The following KIF13B variants were observed in gnomAD, a reference collection of about 807,000 sequenced individuals.
The protein encoded by KIF13B is kinesin family member 13B, also known as kinesin-like protein KIF13B.
Under a neutral mutation model 222.0 loss-of-function variants are expected in KIF13B, and 127 were observed. The ratio of observed to expected loss-of-function variants is 0.57; its 90% CI spans 0.50 to 0.66. KIF13B has a LOEUF of 0.66. KIF13B is among the 30% of genes least tolerant of loss of function. The pLI, the probability that KIF13B is intolerant of heterozygous loss-of-function variation, is 0.00. For synonymous variants in KIF13B, 976 were observed against 919.0 expected (o/e 1.06, Z -1.12); for missense variants, 2,173 against 2,379.0 (o/e 0.91, Z 1.80).
At chr8:29,184,149 G>A (rs1044008360) in intron 6 of KIF13B, among the ~76,000 whole-genome samples, 1 of 151,008 alleles carries the variant, frequency 6.6e-6, no homozygotes, top group Admixed American at 6.6e-5. Flanking sequence ...TTTTCTTAAT[G>A]TATCCTCTAT....
At chr8:29,144,963 T>G (rs1810991975) in intron 18 of KIF13B, among the ~76,000 whole-genome samples, 1 of 152,198 alleles carries the variant, frequency 6.6e-6, no homozygotes, top group Non-Finnish European at 1.5e-5. Context: ...AGAAAAGGGC[T>G]GCGGTCATGC....
chr8:29,180,321 C>T (rs565939608), intron 7 of KIF13B, 83 bp from the exon 8 acceptor site: 3 of 1,398,130 alleles, frequency 2.1e-6, no homozygotes, highest in Non-Finnish European at 2.0e-6. Context: ...AAATTCATTG[C>T]AAGTTTTGCT....
At chr8:29,189,230 G>A (rs1211197454) in intron 4 of KIF13B, 3 of 151,558 alleles carry the variant, frequency 2.0e-5, no homozygotes, top group Non-Finnish European at 4.4e-5. Flanking sequence ...AATACCACAT[G>A]GAAGAACTGG....
At position 29,150,298 on chromosome 8, in the gene KIF13B, T is replaced by C; in HGVS notation, c.1621A>G (p.Arg541Gly). ...RILWGNNHFF[R>G]LNLPKKKKKA... ...TAAGGGACATGAACAACATCATACC[T>C]GAAGAAATGATTGTTTCCCCATAAT... Residue 541 changes from arginine (R) to glycine (G), a missense_variant and splice_region_variant, in exon 15 of 40, where the codon AGA becomes GGA. By Grantham distance (125) the Arg-to-Gly change is moderately radical. Transcript: ENST00000524189. 1.3e-6 allele frequency: 2 copies of C among 1,538,426 alleles called. No homozygotes were observed. The highest frequency in any genetic ancestry group is 1.1e-5 in the South Asian group (1 of 86,976).
intron 9 of KIF13B, among the ~76,000 whole-genome samples, chr8:29,177,051 G>A (rs772435888): frequency 1.3e-5 from 2 of 152,184 alleles, no homozygotes; most frequent in Non-Finnish European, 2.9e-5. Context: ...GCTTAGACCA[G>A]TGGTTCTCAA....
At chr8:29,091,879 T>G (rs1489393268) in intron 37 of KIF13B, among the ~76,000 whole-genome samples, 1 of 152,252 alleles carries the variant, frequency 6.6e-6, no homozygotes, top group African/African-American at 2.4e-5. Flanking sequence ...TATGCTTATA[T>G]AAAGCTAGAT....
chr8:29,170,248 T>C (rs922582283), intron 10 of KIF13B, among the ~76,000 whole-genome samples: 1 of 152,220 alleles, frequency 6.6e-6, no homozygotes, highest in East Asian at 1.9e-4. Context: ...GTCAGAATTT[T>C]TAAAAGCTGA....
chr8:29,165,000 A>G (rs1446456370), intron 12 of KIF13B, among the ~76,000 whole-genome samples: 2 of 152,126 alleles, frequency 1.3e-5, no homozygotes, highest in Non-Finnish European at 2.9e-5. Flanking sequence ...GGTGTGTGCC[A>G]CCACGCCTAG....
In KIF13B at chr8:29,165,671, C is replaced by T; in HGVS notation, c.1260G>A (p.Glu420=). 2 of 1,606,982 alleles carry T rather than the reference C, an allele frequency of 1.2e-6. No individual in the cohort carries two copies. Among genetic ancestry groups the T allele is most frequent in the Non-Finnish European group, 1.7e-6 (2 of 1,173,432 alleles). ...ATCAGGAAACACGAACCTGTGCAAT[C>T]TCCTCCGTTTTCCTTAATTTCTCCT... is the stretch of plus-strand genomic sequence containing the variant. The part of the protein sequence containing the change: ...TWEEKLRKTE[E]IAQERQKQLE... Residue 420 remains glutamate, a synonymous_variant, in exon 12 of 40, where the codon GAG becomes GAA. Transcript: ENST00000524189.
chr8:29,230,019 T>C (rs1403977325), intron 2 of KIF13B, among the ~76,000 whole-genome samples: 1 of 152,114 alleles, frequency 6.6e-6, no homozygotes, highest in East Asian at 1.9e-4. Context: ...AATAAATAAA[T>C]CAAGGCAAAA....
chr8:29,076,509 A>G (rs1342982408), intron 37 of KIF13B, among the ~76,000 whole-genome samples: 2 of 152,156 alleles, frequency 1.3e-5, no homozygotes, highest in Non-Finnish European at 2.9e-5. Context: ...TTCTAGACAG[A>G]GCCTGCAGGC....
intron 36 of KIF13B, among the ~76,000 whole-genome samples, chr8:29,098,602 C>T (rs79008151): frequency 1.6e-5 from 1 of 60,776 alleles, no homozygotes. Context: ...GACTCTGTCT[C>T]AAAAAAAAAA....
At chr8:29,081,265 G>A (rs1807797931) in intron 37 of KIF13B, among the ~76,000 whole-genome samples, 4 of 152,196 alleles carry the variant, frequency 2.6e-5, no homozygotes, top group African/African-American at 4.8e-5. Context: ...ACCTGAGACA[G>A]GTGTGCACCC....
chr8:29,259,814 G>A (rs1587000044), intron 1 of KIF13B, among the ~76,000 whole-genome samples: 1 of 152,182 alleles, frequency 6.6e-6, no homozygotes, highest in Non-Finnish European at 1.5e-5. Context: ...GAAAACAAAC[G>A]ATATCTGCAA....
chr8:29,090,560 T>A (rs982034935), intron 37 of KIF13B, among the ~76,000 whole-genome samples: 10 of 152,058 alleles, frequency 6.6e-5, no homozygotes, highest in Non-Finnish European at 1.2e-4. Flanking sequence ...CAAGGCGGTG[T>A]GGGCAAGGGG....
intron 2 of KIF13B, among the ~76,000 whole-genome samples, chr8:29,199,755 A>G (rs1175025921): frequency 6.6e-6 from 1 of 152,136 alleles, no homozygotes; most frequent in East Asian, 1.9e-4. Context: ...TTAACAATCT[A>G]CGAATCACAC....
At chr8:29,189,358 T>C (rs1187844738) in intron 4 of KIF13B, 1 of 151,842 alleles carries the variant, frequency 6.6e-6, no homozygotes, top group Non-Finnish European at 1.5e-5. Context: ...GAATCTTAAC[T>C]TCAAAACAGC....
At chr8:29,225,894 T>C (rs889309184) in intron 2 of KIF13B, among the ~76,000 whole-genome samples, 2 of 152,228 alleles carry the variant, frequency 1.3e-5, no homozygotes, top group Non-Finnish European at 2.9e-5. Context: ...AAGGAAACAC[T>C]GACAATCTGG....
At chr8:29,089,075 A>G (rs1283396784) in intron 37 of KIF13B, among the ~76,000 whole-genome samples, 1 of 152,158 alleles carries the variant, frequency 6.6e-6, no homozygotes, top group Admixed American at 6.5e-5. Context: ...CCACTCAGCC[A>G]TGCTTCTTTC....
Sources: allele counts gnomAD v4.1 joint callset (sites outside exome capture counted in the v4.1 genomes callset), GRCh38; gene constraint gnomAD v4.1.1; transcripts MANE v1.5; gene names NCBI Gene and HGNC (gene_info 2026-07-23, HGNC 2026-07-21).